Variants in TGFBR3 observed in about 807,000 individuals in gnomAD.
TGFBR3 encodes the protein transforming growth factor beta receptor type 3.
Under a neutral mutation model 87.9 loss-of-function variants are expected in TGFBR3, and 46 were observed. The ratio of observed to expected loss-of-function variants is 0.52; its 90% CI spans 0.41 to 0.67. The LOEUF (loss-of-function observed/expected upper bound fraction) is 0.67, where lower values mean the gene tolerates loss of function less well. Ranked by LOEUF, TGFBR3 falls within the 30% of genes least tolerant of loss-of-function variation. The pLI is 0.00. For missense variants in TGFBR3, 866 were observed against 1,041.9 expected (o/e 0.83, Z 2.32); for synonymous variants, 381 against 391.6 (o/e 0.97, Z 0.32).
chr1:91,682,397 T>C lies in TGFBR3; in HGVS notation c.*1342A>G, dbSNP rs996625270. On this transcript the variant is annotated 3_prime_UTR_variant, in exon 17 of 17. Coordinates refer to ENST00000212355, the MANE Select transcript of TGFBR3 (RefSeq NM_003243.5). ...ATAATTTAGCATGATAATTCCCCCCTGGCATTCTTTTTTTTTTTTTTTTTT... is the reference window on the plus strand; with the variant it reads ...ATAATTTAGCATGATAATTCCCCCCCGGCATTCTTTTTTTTTTTTTTTTTT... The C allele has an allele frequency of 4.7e-6, 2 of 422,478 alleles. No individual in the cohort carries two copies. The highest frequency in any genetic ancestry group is 2.2e-5 in the African/African-American group (1 of 44,526). The allele number at this position is 422,478 out of a possible 1,614,324, so 26.2% of individuals were successfully genotyped here. A position where few individuals can be genotyped will look rare whatever the true frequency, so the allele number is the denominator to read the frequency against.
intron 3 of TGFBR3, among the ~76,000 whole-genome samples, chr1:91,793,805 C>CAAA (rs57943201): frequency 4.5e-4 from 45 of 98,986 alleles, no homozygotes; most frequent in East Asian, 1.1e-3. Flanking sequence ...GACTCTGTCT[C>CAAA]AAAAAAAAAA....
chr1:91,872,878 C>G (rs1678634936), intron 1 of TGFBR3, among the ~76,000 whole-genome samples: 1 of 151,804 alleles, frequency 6.6e-6, no homozygotes, highest in Admixed American at 6.6e-5. Context: ...AAAACGAGGT[C>G]AGTGTTCTAG....
At chr1:91,723,031 A>G (rs1159456166) in intron 7 of TGFBR3, among the ~76,000 whole-genome samples, 1 of 152,178 alleles carries the variant, frequency 6.6e-6, no homozygotes, top group African/African-American at 2.4e-5. Flanking sequence ...TTTCATCTAA[A>G]ATGTATGATC....
chr1:91,811,920 A>T (rs1676044862), intron 2 of TGFBR3, among the ~76,000 whole-genome samples: 1 of 149,236 alleles, frequency 6.7e-6, no homozygotes, highest in South Asian at 2.1e-4. Context: ...TGTCACATTC[A>T]GTGAAAGTAA....
chr1:91,764,083 T>TC (rs1476377679), intron 3 of TGFBR3, among the ~76,000 whole-genome samples: 2 of 151,416 alleles, frequency 1.3e-5, no homozygotes, highest in Admixed American at 6.6e-5. Flanking sequence ...ACACACACAT[T>TC]CCCCCCCACA....
Position 91,686,325 on chromosome 1 carries a change from G to A in TGFBR3, c.2438-2468C>T, listed in dbSNP as rs190354352. Among the ~76,000 whole-genome samples, 31 of 152,294 alleles carry A rather than the reference G, an allele frequency of 2.0e-4. No individual in the cohort carries two copies. The East Asian group carries it at 5.8e-3, about 28-fold the overall frequency. On this transcript the variant is annotated intron_variant, in intron 16 of 16. Transcript: ENST00000212355. ...TTTTGGGAACTCTTGTTCTGGTAATGCAAAACACTTCAAAACAAAACCCCA... is the reference window on the plus strand; with the variant it reads ...TTTTGGGAACTCTTGTTCTGGTAATACAAAACACTTCAAAACAAAACCCCA...
At chr1:91,727,466 C>T (rs1383767403) in intron 7 of TGFBR3, among the ~76,000 whole-genome samples, 193 bp downstream of exon 7, 3 of 152,082 alleles carry the variant, frequency 2.0e-5, no homozygotes, top group African/African-American at 7.2e-5. Context: ...GACCTGGGTC[C>T]GTCTTAATCC....
rs1345968465 is a variant in TGFBR3 at position 91,682,453 on chromosome 1, T to C, written c.*1286A>G. 1 of 453,070 alleles carries C rather than the reference T, an allele frequency of 2.2e-6. No homozygotes were observed. The highest frequency in any genetic ancestry group is 4.4e-6 in the Non-Finnish European group (1 of 226,654). The allele number at this position is 453,070 out of a possible 1,614,324, so 28.1% of individuals were successfully genotyped here. On this transcript the variant is annotated 3_prime_UTR_variant, in exon 17 of 17. Coordinates refer to ENST00000212355, the MANE Select transcript of TGFBR3 (RefSeq NM_003243.5). ...CAAGGAGGTATCACTGAGCTTATTT[T>C]AGCTGCAAAGTGGCATCATATTATT...
At chr1:91,774,219 C>T (rs1199936720) in intron 3 of TGFBR3, among the ~76,000 whole-genome samples, 1 of 151,908 alleles carries the variant, frequency 6.6e-6, no homozygotes, top group Non-Finnish European at 1.5e-5. Context: ...CTCACTGCAA[C>T]CTCTGCTTCC....
chr1:91,886,335 C>T (rs565022117), upstream of TGFBR3: 8 of 366,030 alleles, frequency 2.2e-5, no homozygotes, highest in East Asian at 1.5e-4. Context: ...CTCTCCTCCC[C>T]CTTTGCCTCC....
At position 91,681,993 on chromosome 1, in the gene TGFBR3, A is replaced by G. The variant is rs1406603431; in HGVS notation, c.*1746T>C. ...AATTTTTCAGTAGATCAATGTAGAT[A>G]GCCTGGAAATCTCAGCCCTAAAGTA... On this transcript the variant is annotated 3_prime_UTR_variant, in exon 17 of 17. Transcript: ENST00000212355. 2 of 453,932 alleles carry G rather than the reference A, an allele frequency of 4.4e-6. No homozygotes were observed. Among genetic ancestry groups the G allele is most frequent in the Non-Finnish European group, 8.8e-6 (2 of 226,750 alleles). 28.1% of individuals were successfully genotyped at this position (453,932 alleles called of 1,614,324 possible). A position where few individuals can be genotyped will look rare whatever the true frequency, so the allele number is the denominator to read the frequency against.
In TGFBR3 at chr1:91,720,202, G is replaced by A. The variant is rs1049207545; in HGVS notation, c.1104C>T (p.His368=). ...GGATCCGTAGCTCAGGAGGAATAGT[G>A]TGGACTTCCTCATCTCCCATCTCCT... ...NAEEMGDEEV[H]TIPPELRILL... Residue 368 remains histidine (H), a synonymous_variant, in exon 9 of 17, where the codon CAC becomes CAT. Transcript: ENST00000212355. The A allele has an allele frequency of 2.9e-5, 47 of 1,607,940 alleles. No homozygotes were observed. The highest frequency in any genetic ancestry group is 4.0e-5 in the Non-Finnish European group (47 of 1,176,870).
chr1:91,894,191 C>T (rs2101337149), intron 2 of TGFBR3, among the ~76,000 whole-genome samples: 1 of 152,294 alleles, frequency 6.6e-6, no homozygotes, highest in South Asian at 2.1e-4. Flanking sequence ...GCTCTGCTTT[C>T]TCTCGTTACC....
At chr1:91,865,638 C>T (rs535122476) in intron 1 of TGFBR3, among the ~76,000 whole-genome samples, 4 of 152,112 alleles carry the variant, frequency 2.6e-5, no homozygotes, top group South Asian at 2.1e-4. Flanking sequence ...CTTGGCCGGG[C>T]GCGGTGGCTC....
upstream of TGFBR3, among the ~76,000 whole-genome samples, chr1:91,887,433 T>C (rs1679355947): frequency 6.6e-6 from 1 of 151,516 alleles, no homozygotes; most frequent in Non-Finnish European, 1.5e-5. Context: ...TTGTATTTTT[T>C]GTAGAGGGGG....
intron 2 of TGFBR3, among the ~76,000 whole-genome samples, chr1:91,838,733 T>A (rs1372387471): frequency 2.6e-5 from 4 of 151,914 alleles, no homozygotes; most frequent in Admixed American, 2.6e-4. Context: ...CCTCCCAAAG[T>A]GCTGGGATTA....
intron 3 of TGFBR3, among the ~76,000 whole-genome samples, chr1:91,761,608 G>A (rs763516922): frequency 6.6e-5 from 10 of 152,012 alleles, no homozygotes; most frequent in Non-Finnish European, 1.2e-4. Flanking sequence ...TGCTTCCCCC[G>A]CTTGAGTAAA....
At chr1:91,785,774 T>C (rs1456697708) in intron 3 of TGFBR3, among the ~76,000 whole-genome samples, 1 of 151,764 alleles carries the variant, frequency 6.6e-6, no homozygotes, top group African/African-American at 2.4e-5. Context: ...TGTACTTTTT[T>C]TTTTTTTTTT....
Position 91,683,895 on chromosome 1 carries a change from C to T in TGFBR3, c.2438-38G>A, listed in dbSNP as rs767293135. ...AAGAAAAGGCAGAGTCAGAGAAAGA[C>T]GCATATTATGTATGTGCATTCCTGA... On this transcript the variant is annotated intron_variant, in intron 16 of 16. Coordinates refer to ENST00000212355, the MANE Select transcript of TGFBR3 (RefSeq NM_003243.5). 47 of 1,520,876 alleles carry T rather than the reference C, an allele frequency of 3.1e-5. No homozygotes were observed. In the Middle Eastern group the frequency reaches 5.1e-4, roughly 16 times the overall value. The allele number at this position is 1,520,876 out of a possible 1,614,324, so 94.2% of individuals were successfully genotyped here.
Sources: gnomAD v4.1 joint callset for allele counts (sites outside exome capture counted in the v4.1 genomes callset) on GRCh38, gnomAD v4.1.1 for gene constraint, MANE v1.5 for transcripts, NCBI Gene and HGNC (gene_info 2026-07-23, HGNC 2026-07-21) for gene names.